Variants in SPMIP4 observed in about 807,000 individuals in gnomAD.
SPMIP4 encodes the protein sperm microtubule inner protein 4, also known as sperm-associated microtubule inner protein 4.
the SPMIP4 span, among the ~76,000 whole-genome samples, chr7:25,140,590 C>G: frequency 6.6e-6 from 1 of 151,656 alleles, no homozygotes. Context: ...GCAAGAGCCA[C>G]CACGCCCGGC....
chr7:25,135,482 C>T, the SPMIP4 span: 5 of 985,870 alleles, frequency 5.1e-6, no homozygotes, highest in South Asian at 2.3e-4. Flanking sequence ...CCTCAATTAA[C>T]TAGGTGTTTG....
the SPMIP4 span, among the ~76,000 whole-genome samples, chr7:25,177,163 G>C: frequency 4.6e-5 from 7 of 152,214 alleles, no homozygotes; most frequent in African/African-American, 1.7e-4. Context: ...TGGTGTGGAA[G>C]TGCTATCCTT....
At chr7:25,175,220 CAG>C in the SPMIP4 span, among the ~76,000 whole-genome samples, 6 of 152,134 alleles carry the variant, frequency 3.9e-5, no homozygotes, top group African/African-American at 9.7e-5. Context: ...TCCTGGGTAA[CAG>C]GGGAGCTAGG....
the SPMIP4 span, among the ~76,000 whole-genome samples, chr7:25,131,970 G>A: frequency 5.9e-5 from 9 of 152,246 alleles, no homozygotes; most frequent in African/African-American, 2.2e-4. The surrounding 1 kb of genome is among the most constrained non-coding windows in gnomAD (Gnocchi z 4.2). Flanking sequence ...CAGCAGTGGT[G>A]GACGGCAAGT....
the SPMIP4 span, among the ~76,000 whole-genome samples, chr7:25,153,556 T>A: frequency 8.4e-6 from 1 of 118,874 alleles, no homozygotes; most frequent in East Asian, 2.2e-4. Flanking sequence ...AGAGCAAGAC[T>A]CCGTCTCAAA....
At chr7:25,140,907 T>C in the SPMIP4 span, among the ~76,000 whole-genome samples, 1 of 152,212 alleles carries the variant, frequency 6.6e-6, no homozygotes, top group Non-Finnish European at 1.5e-5. Flanking sequence ...TTTAAAGTGT[T>C]CAAACTGAAA....
the SPMIP4 span, among the ~76,000 whole-genome samples, chr7:25,133,137 G>A: frequency 6.6e-6 from 1 of 152,190 alleles, no homozygotes; most frequent in African/African-American, 2.4e-5. Context: ...GTGGTTTAGA[G>A]GAGGTAGGAG....
the SPMIP4 span, among the ~76,000 whole-genome samples, chr7:25,159,470 G>C: frequency 2.6e-5 from 4 of 152,298 alleles, no homozygotes; most frequent in Non-Finnish European, 4.4e-5. Context: ...ACCTACATTG[G>C]ATTTCAACAA....
chr7:25,158,192 A>G, the SPMIP4 span, among the ~76,000 whole-genome samples: 174 of 150,120 alleles, frequency 1.2e-3, 1 homozygote, highest in South Asian at 6.4e-3. Flanking sequence ...ACATAGCAAG[A>G]ACCCATCTCT....
At chr7:25,169,556 T>TCC in the SPMIP4 span, among the ~76,000 whole-genome samples, 1 of 152,174 alleles carries the variant, frequency 6.6e-6, no homozygotes, top group African/African-American at 2.4e-5. Flanking sequence ...GTGTCCATAC[T>TCC]CCATTCCATT....
the SPMIP4 span, among the ~76,000 whole-genome samples, chr7:25,137,504 G>C: frequency 6.6e-6 from 1 of 152,080 alleles, no homozygotes; most frequent in Non-Finnish European, 1.5e-5. Context: ...TTGTCTCATA[G>C]TTCTGGAAGT....
chr7:25,134,045 A>C, the SPMIP4 span, among the ~76,000 whole-genome samples: 631 of 152,178 alleles, frequency 4.1e-3, 8 homozygotes, highest in African/African-American at 0.015. Context: ...GTGGATCACG[A>C]GGTCAGGAGT....
At chr7:25,155,183 G>A in the SPMIP4 span, 343 of 1,545,106 alleles carry the variant, frequency 2.2e-4, no homozygotes, top group Non-Finnish European at 2.8e-4. Flanking sequence ...GATATGGCAA[G>A]CAGATCTCTC....
At chr7:25,142,461 T>A in the SPMIP4 span, 1 of 838,246 alleles carries the variant, frequency 1.2e-6, no homozygotes, top group South Asian at 1.9e-5. Flanking sequence ...AAACCAACCC[T>A]ACCTCCCAGC....
At chr7:25,149,571 A>C in the SPMIP4 span, among the ~76,000 whole-genome samples, 8 of 152,228 alleles carry the variant, frequency 5.3e-5, no homozygotes, top group Non-Finnish European at 1.0e-4. Flanking sequence ...TAAATCAGCC[A>C]AAAATATTTA....
chr7:25,144,126 C>T, the SPMIP4 span, among the ~76,000 whole-genome samples: 2 of 152,172 alleles, frequency 1.3e-5, no homozygotes, highest in Non-Finnish European at 2.9e-5. Flanking sequence ...CAACATTAGG[C>T]TGCTGGGTGC....
At chr7:25,175,690 G>A in the SPMIP4 span, among the ~76,000 whole-genome samples, 1 of 152,114 alleles carries the variant, frequency 6.6e-6, no homozygotes, top group African/African-American at 2.4e-5. Flanking sequence ...CCATTATGAA[G>A]GTAATCCTGA....
At chr7:25,134,280 A>G in the SPMIP4 span, among the ~76,000 whole-genome samples, 1 of 151,448 alleles carries the variant, frequency 6.6e-6, no homozygotes, top group Non-Finnish European at 1.5e-5. Context: ...AAAAACAAAA[A>G]CAAAACACAC....
At chr7:25,130,260 GAA>G in the SPMIP4 span, among the ~76,000 whole-genome samples, 1 of 96,732 alleles carries the variant, frequency 1.0e-5, no homozygotes, top group Non-Finnish European at 2.0e-5. Context: ...AAACAAAAAA[GAA>G]AGAAAAGAAA....
Sources: allele counts gnomAD v4.1 joint callset (sites outside exome capture counted in the v4.1 genomes callset), GRCh38; gene constraint gnomAD v4.1.1; non-coding constraint Gnocchi (gnomAD v3.1); transcripts MANE v1.5; gene names NCBI Gene and HGNC (gene_info 2026-07-23, HGNC 2026-07-21).